Variants in KIRREL3 observed in about 807,000 individuals in gnomAD.
KIRREL3 encodes the protein kirre like nephrin family adhesion molecule 3, also known as kin of IRRE-like protein 3.
In KIRREL3, 36 loss-of-function variants were observed where a neutral mutation model predicts 89.7. The ratio of observed to expected loss-of-function variants is 0.40; its 90% CI spans 0.31 to 0.53. The LOEUF (loss-of-function observed/expected upper bound fraction) is 0.53. KIRREL3 is among the 20% of genes least tolerant of loss of function. The pLI is 0.49. For missense variants in KIRREL3, 864 were observed against 1,056.6 expected (o/e 0.82, Z 2.53); for synonymous variants, 445 against 441.4 (o/e 1.01, Z -0.10).
chr11:126,473,329 T>G lies in KIRREL3; in HGVS notation c.571A>C (p.Asn191His). Residue 191 changes from asparagine (N) to histidine (H), a missense_variant, in exon 5 of 17, where the codon AAT becomes CAT. By Grantham distance (68) the Asn-to-His change is moderately conservative. Coordinates refer to ENST00000525144, the MANE Select transcript of KIRREL3 (RefSeq NM_032531.4). The stretch of plus-strand genomic sequence containing the variant: ...CTCACCTTGGAGTAGGTGGCCCCAT[T>G]GATGACCTCTCCCTTTCGCAACCAG... The part of the protein sequence containing the change: ...IIWLRKGEVI[N>H]GATYSKTLLR... 2.2e-6 allele frequency: 3 copies of G among 1,363,062 alleles called. No individual in the cohort carries two copies. The highest frequency in any genetic ancestry group is 2.9e-6 in the Non-Finnish European group (3 of 1,035,846). 84.4% of individuals were successfully genotyped at this position (1,363,062 alleles called of 1,614,324 possible).
At position 126,608,565 on chromosome 11, in the gene KIRREL3, G is replaced by T. The variant is rs1388958399; in HGVS notation, c.56-45653C>A. On this transcript the variant is annotated intron_variant, in intron 1 of 16. Transcript: ENST00000525144. This position sits in a 1 kb window ranked among gnomAD's most constrained non-coding sequence, Gnocchi z 4.9. The stretch of plus-strand genomic sequence containing the variant: ...CTTCCCTCCTCTCCCCTCCCCAAAT[G>T]GCTCCCTTAATCACGAGCTGCTTTC... Among the ~76,000 whole-genome samples, 1 of 151,966 alleles carries T rather than the reference G, an allele frequency of 6.6e-6. No homozygotes were observed. Among genetic ancestry groups the T allele is most frequent in the Non-Finnish European group, 1.5e-5 (1 of 68,016 alleles).
In KIRREL3 at chr11:126,684,537, G is replaced by A. The variant is rs1946594572; in HGVS notation, c.56-121625C>T. 6.6e-6 allele frequency among the ~76,000 whole-genome samples: 1 copy of A among 152,176 alleles called. No homozygotes were observed. The highest frequency in any genetic ancestry group is 1.5e-5 in the Non-Finnish European group (1 of 68,038). On this transcript the variant is annotated intron_variant, in intron 1 of 16. Coordinates refer to ENST00000525144, the MANE Select transcript of KIRREL3 (RefSeq NM_032531.4). This position sits in a 1 kb window ranked among gnomAD's most constrained non-coding sequence, Gnocchi z 4.2. ...TGCCATGCTATGATTTCATCTGGCC[G>A]ATGTGTCACTTCAGTATTCTGATGA... is the stretch of plus-strand genomic sequence containing the variant.
Position 126,496,042 on chromosome 11 carries a change from G to A in KIRREL3, c.434-22576C>T, listed in dbSNP as rs1317730781. On this transcript the variant is annotated intron_variant, in intron 4 of 16. Coordinates refer to ENST00000525144, the MANE Select transcript of KIRREL3 (RefSeq NM_032531.4). The surrounding 1 kb of genome is among the most constrained non-coding windows in gnomAD (Gnocchi z 4.9). ...CCCAGGCAACAGACATGTGACCCCAGCCCCTCCTATGTCTGATTGCAGAGA... is the reference window on the plus strand; with the variant it reads ...CCCAGGCAACAGACATGTGACCCCAACCCCTCCTATGTCTGATTGCAGAGA... Among the ~76,000 whole-genome samples the A allele has an allele frequency of 2.0e-5, 3 of 152,262 alleles. No homozygotes were observed. The South Asian group carries it at 6.2e-4, about 32-fold the overall frequency.
chr11:126,572,568 G>C (rs774066032), intron 1 of KIRREL3, among the ~76,000 whole-genome samples: 1 of 40,754 alleles, frequency 2.5e-5, no homozygotes, highest in Non-Finnish European at 4.4e-5. Context: ...AGTGGGAAGA[G>C]GGGACCCCCC....
At chr11:126,596,561 G>A (rs937689774) in intron 1 of KIRREL3, among the ~76,000 whole-genome samples, 3 of 152,248 alleles carry the variant, frequency 2.0e-5, no homozygotes, top group South Asian at 2.1e-4. Context: ...TTTCTTAGCT[G>A]CATTGAGTTG....
chr11:126,977,602 T>A lies in KIRREL3; in HGVS notation c.55+22853A>T, dbSNP rs764003858. ...GCCTACTATGCACCTGTCTATTTCATCAGGTTTATACCTTGTTGGCACAAT... is the reference window on the plus strand; with the variant it reads ...GCCTACTATGCACCTGTCTATTTCAACAGGTTTATACCTTGTTGGCACAAT... On this transcript the variant is annotated intron_variant, in intron 1 of 16. Transcript: ENST00000525144. The surrounding 1 kb of genome is among the most constrained non-coding windows in gnomAD (Gnocchi z 4.7). 1.6e-4 allele frequency among the ~76,000 whole-genome samples: 25 copies of A among 152,354 alleles called. No individual in the cohort carries two copies. The highest frequency in any genetic ancestry group is 3.4e-3 in the Middle Eastern group (1 of 294).
chr11:126,846,500 C>T (rs1183698903), intron 1 of KIRREL3, among the ~76,000 whole-genome samples: 1 of 152,152 alleles, frequency 6.6e-6, no homozygotes, highest in African/African-American at 2.4e-5. Flanking sequence ...ATAAAAATCA[C>T]TTTAAAGATT....
intron 1 of KIRREL3, among the ~76,000 whole-genome samples, chr11:126,749,127 T>A (rs888410229): frequency 2.0e-5 from 3 of 152,140 alleles, no homozygotes; most frequent in African/African-American, 7.2e-5. Context: ...GTGCTTTCCA[T>A]CTCCCGCTCC....
rs1946782624 is a variant in KIRREL3, at chr11:126,689,106, G to A, written c.56-126194C>T. Among the ~76,000 whole-genome samples the A allele has an allele frequency of 6.6e-6, 1 of 151,592 alleles. No individual in the cohort carries two copies. The highest frequency in any genetic ancestry group is 1.5e-5 in the Non-Finnish European group (1 of 67,972). On this transcript the variant is annotated intron_variant, in intron 1 of 16. Coordinates refer to ENST00000525144, the MANE Select transcript of KIRREL3 (RefSeq NM_032531.4). The surrounding 1 kb of genome is among the most constrained non-coding windows in gnomAD (Gnocchi z 5.2). The stretch of plus-strand genomic sequence containing the variant: ...AGTATTGTAATAACGTATTGAGCAT[G>A]AGCTGCCTGATCTTTGCCAGGTGAT...
At chr11:126,971,572 A>T (rs1473978761) in intron 1 of KIRREL3, among the ~76,000 whole-genome samples, 1 of 152,180 alleles carries the variant, frequency 6.6e-6, no homozygotes, top group Non-Finnish European at 1.5e-5. Context: ...GCAGTCCTAT[A>T]GGAGAGTGAG....
rs992155566 is a variant in KIRREL3, at chr11:126,566,266, C to T, written c.56-3354G>A. On this transcript the variant is annotated intron_variant, in intron 1 of 16. Transcript: ENST00000525144. The surrounding 1 kb of genome is among the most constrained non-coding windows in gnomAD (Gnocchi z 4.9). ...AGGAACAAGGAAGGTTTAGGAATAC[C>T]ACCTGTGCAAGGAAAAATGGATTGG... Among the ~76,000 whole-genome samples the T allele has an allele frequency of 3.9e-5, 6 of 152,108 alleles. No individual in the cohort carries two copies. The highest frequency in any genetic ancestry group is 4.1e-4 in the South Asian group (2 of 4,822).
In KIRREL3 at chr11:126,876,702, T is replaced by C. The variant is rs1945300138; in HGVS notation, c.55+123753A>G. ...ACAGGCACCTGCCACCATGCCCAGC[T>C]AATTTTTTTGTATTTTTAGTAGAGA... On this transcript the variant is annotated intron_variant, in intron 1 of 16. Transcript: ENST00000525144. The surrounding 1 kb of genome is among the most constrained non-coding windows in gnomAD (Gnocchi z 4.1). Among the ~76,000 whole-genome samples the C allele has an allele frequency of 2.0e-5, 3 of 152,186 alleles. No homozygotes were observed. The South Asian group carries it at 6.2e-4, about 32-fold the overall frequency.
At chr11:126,693,879 T>A (rs1253008330) in intron 1 of KIRREL3, among the ~76,000 whole-genome samples, 4 of 152,164 alleles carry the variant, frequency 2.6e-5, no homozygotes, top group Non-Finnish European at 4.4e-5. Context: ...AAACCCAGGA[T>A]CCTTCGGGCT....
chr11:126,895,203 C>T (rs1946100600), intron 1 of KIRREL3, among the ~76,000 whole-genome samples: 1 of 152,012 alleles, frequency 6.6e-6, no homozygotes, highest in Non-Finnish European at 1.5e-5. Context: ...TGGCTCACAC[C>T]TGTAACCCCA....
intron 1 of KIRREL3, among the ~76,000 whole-genome samples, chr11:126,818,905 TG>T (rs1592171950): frequency 2.6e-5 from 4 of 152,110 alleles, no homozygotes; most frequent in African/African-American, 9.7e-5. Context: ...ATGTACTAGA[TG>T]GCAATAGCAG....
rs1363339173 is a variant in KIRREL3 at position 126,912,990 on chromosome 11, G to A, written c.55+87465C>T. ...GCCTTAAGGAACCACGAGATCCCTT[G>A]AAGAGACTCAGCTGAGCACACGTAG... On this transcript the variant is annotated intron_variant, in intron 1 of 16. Transcript: ENST00000525144. This position sits in a 1 kb window ranked among gnomAD's most constrained non-coding sequence, Gnocchi z 4.7. Among the ~76,000 whole-genome samples the A allele has an allele frequency of 1.3e-5, 2 of 152,226 alleles. No homozygotes were observed. Among genetic ancestry groups the A allele is most frequent in the Admixed American group, 1.3e-4 (2 of 15,286 alleles).
At position 126,776,215 on chromosome 11, in the gene KIRREL3, G is replaced by C. The variant is rs1307620421; in HGVS notation, c.56-213303C>G. Reference sequence around the variant, plus strand: ...CCTCCTGTGGCTGCTTTCAGGGGCAGCCCTACTCTCTCTTAGGCTCCATTC... The same window carrying C: ...CCTCCTGTGGCTGCTTTCAGGGGCACCCCTACTCTCTCTTAGGCTCCATTC... On this transcript the variant is annotated intron_variant, in intron 1 of 16. Coordinates refer to ENST00000525144, the MANE Select transcript of KIRREL3 (RefSeq NM_032531.4). The surrounding 1 kb of genome is among the most constrained non-coding windows in gnomAD (Gnocchi z 4.7). Among the ~76,000 whole-genome samples, 1 of 152,226 alleles carries C rather than the reference G, an allele frequency of 6.6e-6. No individual in the cohort carries two copies. Among genetic ancestry groups the C allele is most frequent in the Non-Finnish European group, 1.5e-5 (1 of 68,032 alleles).
At chr11:126,886,315 C>T (rs1006101743) in intron 1 of KIRREL3, among the ~76,000 whole-genome samples, 5 of 152,162 alleles carry the variant, frequency 3.3e-5, no homozygotes, top group Admixed American at 1.3e-4. Flanking sequence ...ACTGCCTCTT[C>T]GGAATCTCTC....
rs907250627 is a variant in KIRREL3, at chr11:126,995,263, A to G, written c.55+5192T>C. On this transcript the variant is annotated intron_variant, in intron 1 of 16. Coordinates refer to ENST00000525144, the MANE Select transcript of KIRREL3 (RefSeq NM_032531.4). This position sits in a 1 kb window ranked among gnomAD's most constrained non-coding sequence, Gnocchi z 6.5. ...GCCTCGAGGCAAGACAAGAGCTCCA[A>G]TCACTCTGCTGCAAGCGCCACCATT... is the stretch of plus-strand genomic sequence containing the variant. 2.2e-6 allele frequency: 1 copy of G among 456,182 alleles called. No individual in the cohort carries two copies. Among genetic ancestry groups the G allele is most frequent in the Non-Finnish European group, 4.4e-6 (1 of 226,948 alleles). The allele number at this position is 456,182 out of a possible 1,614,324, so 28.3% of individuals were successfully genotyped here.
Sources: gnomAD v4.1 joint callset for allele counts (sites outside exome capture counted in the v4.1 genomes callset) on GRCh38, gnomAD v4.1.1 for gene constraint, Gnocchi (gnomAD v3.1) non-coding constraint, MANE v1.5 for transcripts, NCBI Gene and HGNC (gene_info 2026-07-23, HGNC 2026-07-21) for gene names.